RHBDD1: variants seen among roughly 807,000 people sequenced by gnomAD.
RHBDD1 encodes rhomboid domain containing 1.
Under a neutral mutation model 36.3 loss-of-function variants are expected in RHBDD1, and 38 were observed. The observed-to-expected ratio is 1.05, with a 90% CI of 0.81 to 1.37. The LOEUF is 1.37. RHBDD1 is among the 40% of genes most tolerant of loss of function. The pLI, the probability that RHBDD1 is intolerant of heterozygous loss-of-function variation, is 0.00. For synonymous variants in RHBDD1, 151 were observed against 136.5 expected, an observed-to-expected ratio of 1.11 and a Z score of -0.74; for missense variants, 393 against 377.6, an observed-to-expected ratio of 1.04 and a Z score of -0.34.
intron 8 of RHBDD1, among the ~76,000 whole-genome samples, chr2:226,975,817 A>G (rs1954462549): frequency 6.6e-6 from 1 of 152,182 alleles, no homozygotes; most frequent in African/African-American, 2.4e-5. Context: ...TTGAAAAGAG[A>G]TAATACACAA....
chr2:226,867,250 G>C lies in RHBDD1; in HGVS notation c.498G>C (p.Leu166Phe). The change falls in exon 5 of 9, where the codon TTG becomes TTC. Residue 166 changes from leucine (L) to phenylalanine (F), a missense_variant. Coordinates refer to ENST00000392062, the MANE Select transcript of RHBDD1 (RefSeq NM_001167608.3). ...GCCCTGGAGGCTTTGTCAACATTTT[G>C]GGCTTTCCTGTACCGAACAGATTTG... ...HYCPGGFVNI[L>F]GFPVPNRFAC... 2 of 1,613,430 alleles carry C rather than the reference G, an allele frequency of 1.2e-6. No individual in the cohort carries two copies. The highest frequency in any genetic ancestry group is 1.7e-6 in the Non-Finnish European group (2 of 1,179,700).
the RHBDD1 span, among the ~76,000 whole-genome samples, chr2:226,828,242 C>G: frequency 6.6e-6 from 1 of 152,186 alleles, no homozygotes; most frequent in Non-Finnish European, 1.5e-5. Flanking sequence ...GGTTTGATTT[C>G]TCTCAACTAA....
At chr2:226,905,545 A>G (rs2125631967) in intron 5 of RHBDD1, among the ~76,000 whole-genome samples, 1 of 152,326 alleles carries the variant, frequency 6.6e-6, no homozygotes, top group East Asian at 1.9e-4. Flanking sequence ...ACACCGGAGT[A>G]TTCTGTGAGA....
intron 5 of RHBDD1, among the ~76,000 whole-genome samples, chr2:226,884,149 G>A (rs1417522350): frequency 6.6e-6 from 1 of 152,046 alleles, no homozygotes; most frequent in East Asian, 1.9e-4. Flanking sequence ...AGTATAAGCA[G>A]GAATGTTTTA....
intron 5 of RHBDD1, among the ~76,000 whole-genome samples, chr2:226,890,012 C>CT (rs1351831048): frequency 2.0e-5 from 3 of 152,168 alleles, no homozygotes; most frequent in African/African-American, 4.8e-5. Flanking sequence ...CTGTGTCTGG[C>CT]TGATGGGCAG....
chr2:226,990,488 T>G (rs1957941976), intron 8 of RHBDD1, among the ~76,000 whole-genome samples: 1 of 152,198 alleles, frequency 6.6e-6, no homozygotes, highest in South Asian at 2.1e-4. Flanking sequence ...CTGCATGGCA[T>G]AGTGCGTTCA....
chr2:226,935,989 T>C lies in RHBDD1; in HGVS notation c.856+21638T>C, dbSNP rs191668619. On this transcript the variant is annotated intron_variant, in intron 8 of 8. Transcript: ENST00000392062. ...CTTGCTTGGCATAGCAGAAACATTA[T>C]AGCCAGGACAGAGATGTACGACTAA... Among the ~76,000 whole-genome samples the C allele has an allele frequency of 3.9e-5, 6 of 152,274 alleles. No individual in the cohort carries two copies. The East Asian group carries it at 1.2e-3, about 29-fold the overall frequency.
At chr2:226,933,032 G>A (rs529198447) in intron 8 of RHBDD1, among the ~76,000 whole-genome samples, 2 of 152,196 alleles carry the variant, frequency 1.3e-5, no homozygotes, top group Admixed American at 6.5e-5. Flanking sequence ...CACGTTCTTC[G>A]CAGGGTGGCA....
chr2:226,987,119 T>C (rs183930243), intron 8 of RHBDD1, among the ~76,000 whole-genome samples: 3 of 151,216 alleles, frequency 2.0e-5, no homozygotes, highest in African/African-American at 7.3e-5. Context: ...TAAGTGGGAG[T>C]TGAACAATGA....
In RHBDD1 at chr2:226,997,693, C is replaced by T. The variant is rs1959785801; in HGVS notation, c.*2171C>T. On this transcript the variant is annotated 3_prime_UTR_variant, in exon 9 of 9. Transcript: ENST00000392062. ...CTTGCTCTGTTTGACTTGTCAGATA[C>T]AAAGACACGGGATTAGATTTTGGGT... is the stretch of plus-strand genomic sequence containing the variant. 6.6e-6 allele frequency: 1 copy of T among 152,130 alleles called. No individual in the cohort carries two copies. Among genetic ancestry groups the T allele is most frequent in the South Asian group, 2.1e-4 (1 of 4,818 alleles). The allele number at this position is 152,130 out of a possible 1,614,324, so 9.4% of individuals were successfully genotyped here. A position where few individuals can be genotyped will look rare whatever the true frequency, so the allele number is the denominator to read the frequency against.
intron 8 of RHBDD1, among the ~76,000 whole-genome samples, chr2:226,940,116 A>C (rs1950573049): frequency 1.3e-5 from 2 of 152,220 alleles, no homozygotes; most frequent in Admixed American, 1.3e-4. Context: ...AAATCAGCTC[A>C]AGATGGATCA....
intron 5 of RHBDD1, among the ~76,000 whole-genome samples, chr2:226,883,268 G>C (rs1945923667): frequency 6.6e-6 from 1 of 152,214 alleles, no homozygotes; most frequent in African/African-American, 2.4e-5. Flanking sequence ...TTTTAATTTA[G>C]GTGCATGAAC....
At chr2:226,956,479 C>T (rs1284630056) in intron 8 of RHBDD1, among the ~76,000 whole-genome samples, 1 of 152,212 alleles carries the variant, frequency 6.6e-6, no homozygotes, top group Admixed American at 6.5e-5. Context: ...TCCCCAAGTT[C>T]TCCTGCTCAT....
chr2:226,898,931 G>A (rs1393145877), intron 5 of RHBDD1, among the ~76,000 whole-genome samples: 1 of 152,134 alleles, frequency 6.6e-6, no homozygotes, highest in Non-Finnish European at 1.5e-5. Context: ...TCCAAGTTGC[G>A]TCCTTAATGA....
At chr2:226,985,081 T>C (rs1157110289) in intron 8 of RHBDD1, among the ~76,000 whole-genome samples, 1 of 152,162 alleles carries the variant, frequency 6.6e-6, no homozygotes, top group Non-Finnish European at 1.5e-5. Flanking sequence ...GGATTGATTG[T>C]CTTATTACCA....
chr2:226,993,465 T>C (rs1396454784), intron 8 of RHBDD1, among the ~76,000 whole-genome samples: 1 of 152,240 alleles, frequency 6.6e-6, no homozygotes, highest in Non-Finnish European at 1.5e-5. Flanking sequence ...AAAGGAGAAT[T>C]TGGATCTCAT....
chr2:226,839,305 T>TA (rs969195721), intron 2 of RHBDD1, 104 bp from the exon 3 acceptor site: 2 of 152,178 alleles, frequency 1.3e-5, no homozygotes, highest in African/African-American at 2.4e-5. Flanking sequence ...AAATGTTCTT[T>TA]AAAAAAACTA....
chr2:226,954,535 C>G (rs1951660580), intron 8 of RHBDD1, among the ~76,000 whole-genome samples: 1 of 152,078 alleles, frequency 6.6e-6, no homozygotes, highest in South Asian at 2.1e-4. Context: ...AAACAAGTTG[C>G]TTTGTTCTTT....
intron 2 of RHBDD1, 94 bp from the exon 3 acceptor site, chr2:226,839,313 CTA>C (rs1410587320): frequency 2.6e-5 from 4 of 151,788 alleles, no homozygotes; most frequent in African/African-American, 4.8e-5. Flanking sequence ...TTTAAAAAAA[CTA>C]TTAAAAACGG....
Sources: gnomAD v4.1 joint callset for allele counts (sites outside exome capture counted in the v4.1 genomes callset) on GRCh38, gnomAD v4.1.1 for gene constraint, MANE v1.5 for transcripts, NCBI Gene and HGNC (gene_info 2026-07-23, HGNC 2026-07-21) for gene names.